CCNF: variants seen among roughly 807,000 people sequenced by gnomAD.
The protein encoded by CCNF is cyclin-F.
A neutral mutation model predicts 85.4 loss-of-function variants in CCNF; 30 were observed. The ratio of observed to expected loss-of-function variants is 0.35; its 90% CI spans 0.26 to 0.48. The LOEUF is 0.48. CCNF is among the 20% of genes least tolerant of loss of function. CCNF has a pLI of 0.99. For synonymous variants in CCNF, 439 were observed against 425.1 expected (o/e 1.03, Z -0.40); for missense variants, 919 against 1,010.4 (o/e 0.91, Z 1.23).
At position 2,456,459 on chromosome 16, in the gene CCNF, C is replaced by T. The variant is rs902050349; in HGVS notation, c.1886-86C>T. On this transcript the variant is annotated intron_variant, in intron 16 of 16. Coordinates refer to ENST00000397066, the MANE Select transcript of CCNF (RefSeq NM_001761.3). This position sits in a 1 kb window ranked among gnomAD's most constrained non-coding sequence, Gnocchi z 4.5. ...CGTAGCAAGGTAGAAGATTCTTGAC[C>T]TGGACTTCAGGGTCCTGACCTGGCA... The T allele has an allele frequency of 3.3e-5, 30 of 916,274 alleles. No homozygotes were observed. The highest frequency in any genetic ancestry group is 4.6e-5 in the Non-Finnish European group (29 of 629,372). 56.8% of individuals were successfully genotyped at this position (916,274 alleles called of 1,614,324 possible).
Position 2,453,411 on chromosome 16 carries a change from TGCTGA to T in CCNF, c.1593_1597del (p.Ser532GlnfsTer83), listed in dbSNP as rs1250501575. ...CCCCTAACTCTAGCTTCCCCTCAGG[TGCTGA>T]GCTACAGCCAGTTGTGTGCTGCATT... is the stretch of plus-strand genomic sequence containing the variant. On this transcript the variant is annotated frameshift_variant and splice_region_variant, in exon 15 of 17. Transcript: ENST00000397066. LOFTEE classifies it high-confidence loss of function. This position sits in a 1 kb window ranked among gnomAD's most constrained non-coding sequence, Gnocchi z 5.6. 6.2e-7 allele frequency: 1 copy of T among 1,613,848 alleles called. No homozygotes were observed. Among genetic ancestry groups the T allele is most frequent in the Non-Finnish European group, 8.5e-7 (1 of 1,179,968 alleles).
At chr16:2,431,907 T>C (rs1172211674) in intron 2 of CCNF, among the ~76,000 whole-genome samples, 1 of 150,874 alleles carries the variant, frequency 6.6e-6, no homozygotes, top group Non-Finnish European at 1.5e-5. Context: ...CTCGGCTCAC[T>C]GCAAGTTCCG....
Position 2,448,845 on chromosome 16 carries a change from G to T in CCNF, c.1095-10G>T, listed in dbSNP as rs766340988. 7 of 1,613,166 alleles carry T rather than the reference G, an allele frequency of 4.3e-6. No individual in the cohort carries two copies. The highest frequency in any genetic ancestry group is 1.1e-5 in the South Asian group (1 of 91,038). ...GGGCTCCACCCTGAGACCCCTTCTC[G>T]GCGTTGCAGGTTTATCAGTAAAGAG... On this transcript the variant is annotated splice_polypyrimidine_tract_variant and intron_variant, in intron 10 of 16. Coordinates refer to ENST00000397066, the MANE Select transcript of CCNF (RefSeq NM_001761.3).
intron 9 of CCNF, among the ~76,000 whole-genome samples, chr16:2,444,751 C>T (rs185577412): frequency 6.6e-6 from 1 of 152,228 alleles, no homozygotes; most frequent in Admixed American, 6.5e-5. Flanking sequence ...TGCACACCAC[C>T]ATGCACAGCT....
In CCNF at chr16:2,437,278, G is replaced by A. The variant is rs1034536725; in HGVS notation, c.496G>A (p.Ala166Thr). 16 of 1,608,054 alleles carry A rather than the reference G, an allele frequency of 9.9e-6. No homozygotes were observed. Among genetic ancestry groups the A allele is most frequent in the Admixed American group, 1.7e-5 (1 of 59,928 alleles). Residue 166 changes from alanine (A) to threonine (T), a missense_variant, in exon 5 of 17, where the codon GCC becomes ACC. Coordinates refer to ENST00000397066, the MANE Select transcript of CCNF (RefSeq NM_001761.3). ...PWSVSGSCCK[A>T]VVHESLRAEC... ...GTCGGTGAGCGGAAGCTGCTGCAAG[G>A]CCGTGGTTCACGAGAGCCTCAGGGC...
In CCNF at chr16:2,456,655, C is replaced by T; in HGVS notation, c.1996C>T (p.Gln666Ter). ...EEACPEDKGP[Q>*]DPQALALDTQ... ...GGCTTGTCCAGAGGACAAGGGACCC[C>T]AGGACCCACAGGCACTGGCGCTGGA... Residue 666 changes from glutamine to a stop codon, truncating the protein, a stop_gained, in exon 17 of 17, where the codon CAG becomes TAG. Transcript: ENST00000397066. LOFTEE classifies it low-confidence loss of function (END_TRUNC). This position sits in a 1 kb window ranked among gnomAD's most constrained non-coding sequence, Gnocchi z 4.5. 1.9e-6 allele frequency: 3 copies of T among 1,613,428 alleles called. No individual in the cohort carries two copies. The highest frequency in any genetic ancestry group is 1.7e-6 in the Non-Finnish European group (2 of 1,179,852).
chr16:2,451,480 C>G lies in CCNF; in HGVS notation c.1487+1565C>G, dbSNP rs527460111. 3.3e-5 allele frequency among the ~76,000 whole-genome samples: 5 copies of G among 152,200 alleles called. No individual in the cohort carries two copies. The East Asian group carries it at 9.6e-4, about 29-fold the overall frequency. ...GACTTGCTCCTCCCACCTCTCGGCA[C>G]CCCCACTCCCTGGTCTCCCACTTCC... On this transcript the variant is annotated intron_variant, in intron 13 of 16. Transcript: ENST00000397066. The surrounding 1 kb of genome is among the most constrained non-coding windows in gnomAD (Gnocchi z 4.3).
At position 2,456,923 on chromosome 16, in the gene CCNF, C is replaced by T; in HGVS notation, c.2264C>T (p.Pro755Leu). The change falls in exon 17 of 17, where the codon CCC becomes CTC. Residue 755 changes from proline to leucine, a missense_variant. Around this residue, in one of 3 missense-constraint regions of CCNF, gnomAD observed 505 missense variants for 514.8 expected, o/e 0.98. Coordinates refer to ENST00000397066, the MANE Select transcript of CCNF (RefSeq NM_001761.3). The surrounding 1 kb of genome is among the most constrained non-coding windows in gnomAD (Gnocchi z 4.5). ...KSCLQCRPPS[P>L]PESSVPQQQV... ...TGTTTACAGTGTCGTCCCCCAAGTC[C>T]CCCGGAGAGCAGTGTTCCCCAGCAA... 1 of 1,614,142 alleles carries T rather than the reference C, an allele frequency of 6.2e-7. No homozygotes were observed. The highest frequency in any genetic ancestry group is 8.5e-7 in the Non-Finnish European group (1 of 1,180,024).
chr16:2,433,883 A>G (rs987447501), intron 3 of CCNF, among the ~76,000 whole-genome samples: 1 of 152,252 alleles, frequency 6.6e-6, no homozygotes, highest in Non-Finnish European at 1.5e-5. Flanking sequence ...CTGAGTTGCC[A>G]GAAATCCAGA....
In CCNF at chr16:2,456,866, C is replaced by G; in HGVS notation, c.2207C>G (p.Thr736Arg). The change falls in exon 17 of 17, where the codon ACA becomes AGA. Residue 736 changes from threonine to arginine, a missense_variant. Thr to Arg is a moderately conservative substitution (Grantham distance 71, BLOSUM62 -1). Transcript: ENST00000397066. This position sits in a 1 kb window ranked among gnomAD's most constrained non-coding sequence, Gnocchi z 4.5. ...CTGTCCCTGGACAGTGACTCGCACACACAGCCCTGCCACCATCAGGCCAGG... is the reference window on the plus strand; with the variant it reads ...CTGTCCCTGGACAGTGACTCGCACAGACAGCCCTGCCACCATCAGGCCAGG... ...SVLSLDSDSH[T>R]QPCHHQARKS... The G allele has an allele frequency of 6.2e-7, 1 of 1,614,132 alleles. No homozygotes were observed. The highest frequency in any genetic ancestry group is 8.5e-7 in the Non-Finnish European group (1 of 1,180,032).
chr16:2,448,329 A>T (rs1248576915), intron 10 of CCNF, among the ~76,000 whole-genome samples: 1 of 152,182 alleles, frequency 6.6e-6, no homozygotes, highest in Non-Finnish European at 1.5e-5. Flanking sequence ...GAGTCTGCCT[A>T]ACAGCCTTGC....
rs574205402 is a variant in CCNF, at chr16:2,442,434, T to C, written c.778-1215T>C. On this transcript the variant is annotated intron_variant, in intron 8 of 16. Coordinates refer to ENST00000397066, the MANE Select transcript of CCNF (RefSeq NM_001761.3). The stretch of plus-strand genomic sequence containing the variant: ...AATATTATATAATATAATATTATTA[T>C]ATATAATATATAATATTATATAATA... 4.4e-4 allele frequency among the ~76,000 whole-genome samples: 3 copies of C among 6,858 alleles called. 1 individual carries two copies. In the African/African-American group the frequency reaches 0.012, roughly 27 times the overall value. The allele number at this position is 6,858 out of a possible 152,430, so 4.5% of individuals were successfully genotyped here.
rs978329081 is a variant in CCNF, at chr16:2,451,508, G to A, written c.1487+1593G>A. On this transcript the variant is annotated intron_variant, in intron 13 of 16. Coordinates refer to ENST00000397066, the MANE Select transcript of CCNF (RefSeq NM_001761.3). The surrounding 1 kb of genome is among the most constrained non-coding windows in gnomAD (Gnocchi z 4.3). ...CCACTCCCTGGTCTCCCACTTCCCCGCTTCTGCCATGGCTTCCTTTTCCTC... is the reference window on the plus strand; with the variant it reads ...CCACTCCCTGGTCTCCCACTTCCCCACTTCTGCCATGGCTTCCTTTTCCTC... Among the ~76,000 whole-genome samples, 7 of 152,150 alleles carry A rather than the reference G, an allele frequency of 4.6e-5. No individual in the cohort carries two copies. Among genetic ancestry groups the A allele is most frequent in the Non-Finnish European group, 8.8e-5 (6 of 68,012 alleles).
chr16:2,439,518 G>A, intron 7 of CCNF, 61 bp downstream of exon 7: 1 of 1,272,486 alleles, frequency 7.9e-7, no homozygotes, highest in Non-Finnish European at 1.1e-6. Flanking sequence ...AGTTGATGCT[G>A]GTCCTTGGAT....
chr16:2,454,562 C>T (rs1223240511), intron 15 of CCNF, among the ~76,000 whole-genome samples: 2 of 152,368 alleles, frequency 1.3e-5, no homozygotes, highest in South Asian at 2.1e-4. Flanking sequence ...ACCCCCCGCC[C>T]TCCACCAGGC....
intron 10 of CCNF, 99 bp from the exon 11 acceptor site, chr16:2,448,756 C>G: frequency 1.9e-6 from 2 of 1,064,996 alleles, no homozygotes; most frequent in African/African-American, 1.6e-5. Context: ...CGCCATGGCT[C>G]CCTCCCTACC....
At position 2,442,494 on chromosome 16, in the gene CCNF, A is replaced by T. The variant is rs58800938; in HGVS notation, c.778-1155A>T. On this transcript the variant is annotated intron_variant, in intron 8 of 16. Coordinates refer to ENST00000397066, the MANE Select transcript of CCNF (RefSeq NM_001761.3). ...TATATATAATATATAATATTATATA[A>T]TATAATATTATTATATATAATATAT... Among the ~76,000 whole-genome samples the T allele has an allele frequency of 7.5e-3, 6 of 800 alleles. 1 individual carries two copies. The African/African-American group carries it at 0.22, about 30-fold the overall frequency. The allele number at this position is 800 out of a possible 152,430, so 0.5% of individuals were successfully genotyped here.
chr16:2,435,275 A>G (rs1196711892), intron 3 of CCNF, among the ~76,000 whole-genome samples: 4 of 150,830 alleles, frequency 2.7e-5, no homozygotes, highest in Admixed American at 6.6e-5. Context: ...AAGAAAAGAA[A>G]AAAAAAAAGA....
At position 2,452,505 on chromosome 16, in the gene CCNF, C is replaced by G. The variant is rs760391942; in HGVS notation, c.1488-705C>G. 6.6e-6 allele frequency: 1 copy of G among 152,384 alleles called. No homozygotes were observed. Among genetic ancestry groups the G allele is most frequent in the Non-Finnish European group, 1.5e-5 (1 of 68,176 alleles). The allele number at this position is 152,384 out of a possible 1,614,324, so 9.4% of individuals were successfully genotyped here. A position where few individuals can be genotyped will look rare whatever the true frequency, so the allele number is the denominator to read the frequency against. ...TTTCTGGGCTGCGTTTATTCTCTTC[C>G]TCCTGAAGAAGTTAATTTTTTTTCC... On this transcript the variant is annotated intron_variant, in intron 13 of 16. Coordinates refer to ENST00000397066, the MANE Select transcript of CCNF (RefSeq NM_001761.3). The surrounding 1 kb of genome is among the most constrained non-coding windows in gnomAD (Gnocchi z 4.1).
Sources: gnomAD v4.1 joint callset for allele counts (sites outside exome capture counted in the v4.1 genomes callset) on GRCh38, gnomAD v4.1.1 for gene constraint, gnomAD v4.1.1 regional missense constraint, Gnocchi (gnomAD v3.1) non-coding constraint, MANE v1.5 for transcripts, NCBI Gene and HGNC (gene_info 2026-07-23, HGNC 2026-07-21) for gene names.